The following NUP153 variants were observed in gnomAD, a reference collection of about 807,000 sequenced individuals.
NUP153 encodes the protein nuclear pore complex protein Nup153.
In NUP153, 27 loss-of-function variants were observed where a neutral mutation model predicts 134.6. The ratio of observed to expected loss-of-function variants is 0.20; its 90% CI spans 0.15 to 0.28. NUP153 has a LOEUF of 0.28. NUP153 is among the 10% of genes least tolerant of loss of function. NUP153 has a pLI of 1.00. For synonymous variants in NUP153, 640 were observed against 623.5 expected (o/e 1.03, Z -0.40); for missense variants, 1,821 against 1,731.3 (o/e 1.05, Z -0.92).
intron 15 of NUP153, among the ~76,000 whole-genome samples, chr6:17,639,275 C>T (rs978411605): frequency 7.2e-5 from 11 of 151,982 alleles, no homozygotes; most frequent in African/African-American, 1.9e-4. Context: ...GATGGGGTTT[C>T]GCCATGTTGG....
chr6:17,701,356 A>G (rs1041956566), intron 1 of NUP153, among the ~76,000 whole-genome samples: 2 of 152,184 alleles, frequency 1.3e-5, no homozygotes, highest in Admixed American at 6.5e-5. Context: ...GGTGAAACCC[A>G]GTCTCTATTA....
chr6:17,639,307 G>A (rs548079038), intron 15 of NUP153, among the ~76,000 whole-genome samples: 18 of 151,996 alleles, frequency 1.2e-4, no homozygotes, highest in Non-Finnish European at 1.3e-4. Flanking sequence ...TTCAACTCCT[G>A]GCCTCAAGTG....
intron 2 of NUP153, among the ~76,000 whole-genome samples, chr6:17,681,661 G>A (rs1768585453): frequency 6.6e-6 from 1 of 152,122 alleles, no homozygotes; most frequent in South Asian, 2.1e-4. Context: ...AAACCAATTA[G>A]CATTTACACA....
Position 17,637,786 on chromosome 6 carries a change from G to T in NUP153, c.1847-16C>A. On this transcript the variant is annotated splice_polypyrimidine_tract_variant and intron_variant, in intron 15 of 21. Coordinates refer to ENST00000262077, the MANE Select transcript of NUP153 (RefSeq NM_005124.4). Reference sequence around the variant, plus strand: ...GATGCGAAACCTACAATGAACGAAGGAGAGAGTGCAACGTTAGAGAAGCTT... The same window carrying T: ...GATGCGAAACCTACAATGAACGAAGTAGAGAGTGCAACGTTAGAGAAGCTT... 1.3e-6 allele frequency: 2 copies of T among 1,581,060 alleles called. No individual in the cohort carries two copies. The highest frequency in any genetic ancestry group is 4.5e-5 in the East Asian group (2 of 44,636).
At chr6:17,699,477 G>A (rs1489908422) in intron 1 of NUP153, among the ~76,000 whole-genome samples, 4 of 105,766 alleles carry the variant, frequency 3.8e-5, no homozygotes, top group Admixed American at 1.1e-4. Context: ...GGCGAGACTC[G>A]TCTCAAAAAA....
chr6:17,684,766 C>T (rs1173039124), intron 2 of NUP153, among the ~76,000 whole-genome samples: 1 of 152,054 alleles, frequency 6.6e-6, no homozygotes, highest in Non-Finnish European at 1.5e-5. Context: ...CACTTAGAGG[C>T]CACTGTAAGG....
chr6:17,640,460 A>T (rs1273219611), intron 14 of NUP153, among the ~76,000 whole-genome samples: 1 of 152,246 alleles, frequency 6.6e-6, no homozygotes, highest in Non-Finnish European at 1.5e-5. Context: ...TCAACTGAGC[A>T]ATTATTTCAT....
chr6:17,668,914 G>C, intron 8 of NUP153, 61 bp downstream of exon 8: 1 of 1,120,888 alleles, frequency 8.9e-7, no homozygotes, highest in Non-Finnish European at 1.3e-6. Flanking sequence ...GTATACTTGT[G>C]AACTTTAAAC....
At chr6:17,617,318 AAAGAT>A (rs1469593149) in intron 20 of NUP153, among the ~76,000 whole-genome samples, 1 of 152,148 alleles carries the variant, frequency 6.6e-6, no homozygotes, top group Admixed American at 6.6e-5. Context: ...GGATTTTTAC[AAAGAT>A]ATAGGTTTAG....
At chr6:17,698,010 C>CT (rs1392456873) in intron 1 of NUP153, among the ~76,000 whole-genome samples, 1 of 152,138 alleles carries the variant, frequency 6.6e-6, no homozygotes, top group Non-Finnish European at 1.5e-5. Context: ...GTTCAACTCC[C>CT]TTTTCTTCAC....
rs549107904 is a variant in NUP153 at position 17,688,871 on chromosome 6, C to A, written c.112-253G>T. Among the ~76,000 whole-genome samples, 3 of 152,112 alleles carry A rather than the reference C, an allele frequency of 2.0e-5. No individual in the cohort carries two copies. The East Asian group carries it at 5.8e-4, about 29-fold the overall frequency. On this transcript the variant is annotated intron_variant, in intron 1 of 21. Coordinates refer to ENST00000262077, the MANE Select transcript of NUP153 (RefSeq NM_005124.4). ...TGCATTATTCTAATCCTTAAAAAAA[C>A]CCCAAAAGGCCATCAAATACTCAAT...
intron 7 of NUP153, 36 bp downstream of exon 7, chr6:17,669,257 A>G: frequency 6.4e-7 from 1 of 1,572,920 alleles, no homozygotes; most frequent in East Asian, 2.2e-5. Flanking sequence ...TTTTGTATGA[A>G]CAATATTTTG....
chr6:17,617,103 C>G (rs1581650260), intron 20 of NUP153, among the ~76,000 whole-genome samples: 1 of 152,182 alleles, frequency 6.6e-6, no homozygotes, highest in African/African-American at 2.4e-5. Flanking sequence ...TAAAAACATG[C>G]AAAGAATTAA....
chr6:17,669,586 T>G (rs144557785), intron 5 of NUP153, 40 bp from the exon 6 acceptor site: 2 of 1,318,996 alleles, frequency 1.5e-6, no homozygotes, highest in Non-Finnish European at 2.2e-6. Flanking sequence ...CAACATAAAA[T>G]CTAAGGCACA....
intron 17 of NUP153, among the ~76,000 whole-genome samples, chr6:17,631,740 G>C (rs1765265557): frequency 6.6e-6 from 1 of 152,090 alleles, no homozygotes; most frequent in Admixed American, 6.5e-5. Flanking sequence ...GCCGAGGCGG[G>C]TGGATCACGA....
At chr6:17,646,902 G>A (rs989967774) in intron 13 of NUP153, among the ~76,000 whole-genome samples, 11 of 147,668 alleles carry the variant, frequency 7.4e-5, no homozygotes, top group African/African-American at 2.2e-4. Flanking sequence ...ACCATGCCTG[G>A]CTAATTCTGT....
intron 2 of NUP153, among the ~76,000 whole-genome samples, chr6:17,683,900 G>C (rs909475396): frequency 1.3e-5 from 2 of 152,150 alleles, no homozygotes; most frequent in Non-Finnish European, 2.9e-5. Flanking sequence ...GCTGAAATTT[G>C]ATCCTCAATG....
chr6:17,639,805 C>A (rs1448033737), intron 15 of NUP153, 134 bp downstream of exon 15: 2 of 715,646 alleles, frequency 2.8e-6, no homozygotes, highest in Admixed American at 3.2e-5. Context: ...TTACACCTAA[C>A]TACATCTCTA....
At chr6:17,624,879 A>T in intron 19 of NUP153, 46 bp from the exon 20 acceptor site, 1 of 1,487,696 alleles carries the variant, frequency 6.7e-7, no homozygotes, top group Non-Finnish European at 9.0e-7. Context: ...GGCTAATGTC[A>T]GATTATCCTC....
Sources: gnomAD v4.1 joint callset for allele counts (sites outside exome capture counted in the v4.1 genomes callset) on GRCh38, gnomAD v4.1.1 for gene constraint, MANE v1.5 for transcripts, NCBI Gene and HGNC (gene_info 2026-07-23, HGNC 2026-07-21) for gene names.